The following VPS13B variants were observed in gnomAD, a reference collection of about 807,000 sequenced individuals.
The protein encoded by VPS13B is intermembrane lipid transfer protein VPS13B.
Under a neutral mutation model 426.4 loss-of-function variants are expected in VPS13B, and 285 were observed. That is an observed-to-expected ratio of 0.67 (90% CI 0.61 to 0.74). VPS13B has a LOEUF of 0.74. VPS13B is among the 30% of genes least tolerant of loss of function. The pLI, the probability that VPS13B is intolerant of heterozygous loss-of-function variation, is 0.00. For synonymous variants in VPS13B, 1,676 were observed against 1,676.4 expected, an observed-to-expected ratio of 1.00 and a Z score of 0.01; for missense variants, 4,537 against 4,782.6, an observed-to-expected ratio of 0.95 and a Z score of 1.51.
rs185022974 is a variant in VPS13B, at chr8:99,235,736, A to G, written c.2516-38462A>G. On this transcript the variant is annotated intron_variant, in intron 17 of 61. Coordinates refer to ENST00000357162, the MANE Select transcript of VPS13B (RefSeq NM_152564.5). ...ACTGAAGTACTTTTCAACATAATTT[A>G]TTACACAAGTACTACCATGTAACAC... Among the ~76,000 whole-genome samples the G allele has an allele frequency of 2.0e-4, 30 of 152,304 alleles. No individual in the cohort carries two copies. In the East Asian group the frequency reaches 3.7e-3, roughly 19 times the overall value.
In VPS13B at chr8:99,666,213, G is replaced by A. The variant is rs190210074; in HGVS notation, c.6046+4722G>A. 4.1e-4 allele frequency among the ~76,000 whole-genome samples: 63 copies of A among 152,232 alleles called. 1 individual carries two copies. Among genetic ancestry groups the A allele is most frequent in the Admixed American group, 2.6e-3 (40 of 15,286 alleles). ...TATCAGCTTGAGGAGATTCACAGCCGAATTCTACCAGAGGTACAAGGAGGA... is the reference window on the plus strand; with the variant it reads ...TATCAGCTTGAGGAGATTCACAGCCAAATTCTACCAGAGGTACAAGGAGGA... On this transcript the variant is annotated intron_variant, in intron 35 of 61. Coordinates refer to ENST00000357162, the MANE Select transcript of VPS13B (RefSeq NM_152564.5).
chr8:99,013,405 T>C (rs1841426094), intron 1 of VPS13B, 58 bp downstream of exon 1: 1 of 331,460 alleles, frequency 3.0e-6, no homozygotes, highest in African/African-American at 2.1e-5. Context: ...CTTCTAGCTT[T>C]GGTTCTATGG....
intron 54 of VPS13B, among the ~76,000 whole-genome samples, chr8:99,846,198 T>G (rs184010247): frequency 2.0e-3 from 304 of 152,284 alleles, no homozygotes; most frequent in African/African-American, 6.5e-3. Flanking sequence ...CACAAAACCA[T>G]TGCCCTCATG....
At chr8:99,820,417 T>A (rs1035113864) in intron 49 of VPS13B, among the ~76,000 whole-genome samples, 1 of 152,182 alleles carries the variant, frequency 6.6e-6, no homozygotes, top group Non-Finnish European at 1.5e-5. Context: ...GCTCTATCAG[T>A]ACATATTAAG....
At chr8:99,415,771 G>T (rs1815965539) in intron 21 of VPS13B, among the ~76,000 whole-genome samples, 1 of 152,216 alleles carries the variant, frequency 6.6e-6, no homozygotes, top group Admixed American at 6.5e-5. Context: ...ATTGCTGCCT[G>T]TTCCTTCCTC....
chr8:99,650,247 T>A (rs1425523735), intron 34 of VPS13B, among the ~76,000 whole-genome samples: 3 of 151,858 alleles, frequency 2.0e-5, no homozygotes, highest in South Asian at 2.1e-4. Flanking sequence ...TCCCAAGGAG[T>A]TGTCAGCATT....
At chr8:99,068,457 C>G (rs574101526) in intron 3 of VPS13B, among the ~76,000 whole-genome samples, 4 of 152,242 alleles carry the variant, frequency 2.6e-5, no homozygotes, top group African/African-American at 9.6e-5. Flanking sequence ...TTTGTAAATA[C>G]AAGTTTTTTG....
chr8:99,516,810 A>G, intron 29 of VPS13B, among the ~76,000 whole-genome samples: 1 of 149,420 alleles, frequency 6.7e-6, no homozygotes, highest in East Asian at 1.9e-4. Context: ...AAAAAAAAAA[A>G]AAAAAAAAGT....
chr8:99,422,331 A>G (rs1450604617), intron 21 of VPS13B, among the ~76,000 whole-genome samples: 5 of 152,186 alleles, frequency 3.3e-5, no homozygotes, highest in Non-Finnish European at 5.9e-5. Context: ...AGTATTTACA[A>G]AAAACATGTA....
At chr8:99,560,618 A>G (rs1053543379) in intron 31 of VPS13B, among the ~76,000 whole-genome samples, 1 of 152,216 alleles carries the variant, frequency 6.6e-6, no homozygotes, top group Admixed American at 6.5e-5. Context: ...GAAGAAGCAC[A>G]TACAGCCAGC....
chr8:99,246,591 G>T (rs536147545), intron 17 of VPS13B, among the ~76,000 whole-genome samples: 3 of 152,292 alleles, frequency 2.0e-5, no homozygotes, highest in African/African-American at 7.2e-5. Context: ...TATGAGCTCT[G>T]ATGCGGTGGC....
intron 17 of VPS13B, among the ~76,000 whole-genome samples, chr8:99,204,055 A>G (rs1000068794): frequency 1.3e-5 from 2 of 152,214 alleles, no homozygotes; most frequent in African/African-American, 2.4e-5. Context: ...AGCCAAGACA[A>G]TCCTAAACAA....
chr8:99,050,907 T>G (rs1028584112), intron 3 of VPS13B, among the ~76,000 whole-genome samples: 4 of 152,200 alleles, frequency 2.6e-5, no homozygotes, highest in Admixed American at 2.6e-4. Flanking sequence ...TTTGTTTGAG[T>G]TCATTGTAGA....
chr8:99,114,623 C>T (rs1320756870), intron 6 of VPS13B, among the ~76,000 whole-genome samples: 3 of 152,194 alleles, frequency 2.0e-5, no homozygotes, highest in African/African-American at 7.2e-5. Context: ...TCATTCCCCG[C>T]TTTCTTACCT....
At chr8:99,850,840 C>T (rs1339674822) in intron 55 of VPS13B, among the ~76,000 whole-genome samples, 2 of 152,104 alleles carry the variant, frequency 1.3e-5, no homozygotes, top group South Asian at 2.1e-4. Flanking sequence ...GCAAGAGAAT[C>T]GCTTGAACCT....
intron 43 of VPS13B, among the ~76,000 whole-genome samples, chr8:99,807,321 T>C (rs866722796): frequency 4.2e-4 from 64 of 152,180 alleles, no homozygotes; most frequent in African/African-American, 1.5e-3. Flanking sequence ...TGAACATTCC[T>C]CACTTAAAAT....
intron 40 of VPS13B, among the ~76,000 whole-genome samples, chr8:99,772,009 C>CAA (rs1811521573): frequency 6.6e-6 from 1 of 152,150 alleles, no homozygotes; most frequent in Non-Finnish European, 1.5e-5. Context: ...AGGCCCTTTG[C>CAA]TATTTTCTTT....
At chr8:99,500,958 A>C (rs915153983) in intron 25 of VPS13B, among the ~76,000 whole-genome samples, 1 of 152,228 alleles carries the variant, frequency 6.6e-6, no homozygotes, top group Non-Finnish European at 1.5e-5. Context: ...CACTGACTTT[A>C]GGACCTTATA....
At chr8:99,739,296 A>G (rs889642074) in intron 39 of VPS13B, among the ~76,000 whole-genome samples, 1 of 152,202 alleles carries the variant, frequency 6.6e-6, no homozygotes, top group African/African-American at 2.4e-5. Context: ...GCCATTGCTG[A>G]GGCTTGAGTA....
Sources: allele counts gnomAD v4.1 joint callset (sites outside exome capture counted in the v4.1 genomes callset), GRCh38; gene constraint gnomAD v4.1.1; transcripts MANE v1.5; gene names NCBI Gene and HGNC (gene_info 2026-07-23, HGNC 2026-07-21).